The following STX18 variants were observed in gnomAD, a reference collection of about 807,000 sequenced individuals.
STX18 encodes the protein syntaxin 18.
STX18 carries 40 observed loss-of-function variants against 50.1 expected under a neutral mutation model. That is an observed-to-expected ratio of 0.80 (90% CI 0.62 to 1.04). The LOEUF is 1.04. STX18 is among the 50% of genes least tolerant of loss of function. STX18 has a pLI of 0.00. For synonymous variants in STX18, 158 were observed against 151.8 expected, an observed-to-expected ratio of 1.04 and a Z score of -0.30; for missense variants, 410 against 415.8, an observed-to-expected ratio of 0.99 and a Z score of 0.12.
At position 4,542,040 on chromosome 4, in the gene STX18, T is replaced by C. The variant is rs924306506; in HGVS notation, c.-76A>G. 6.2e-6 allele frequency: 9 copies of C among 1,458,320 alleles called. No homozygotes were observed. Among genetic ancestry groups the C allele is most frequent in the Non-Finnish European group, 7.3e-6 (8 of 1,098,048 alleles). The allele number at this position is 1,458,320 out of a possible 1,614,324, so 90.3% of individuals were successfully genotyped here. A position where few individuals can be genotyped will look rare whatever the true frequency, so the allele number is the denominator to read the frequency against. ...GCGACCGCGGCGCGAACCCGGCCGCTGAAGGACTGGTCCTGCCCCACACGC... is the reference window on the plus strand; with the variant it reads ...GCGACCGCGGCGCGAACCCGGCCGCCGAAGGACTGGTCCTGCCCCACACGC... On this transcript the variant is annotated 5_prime_UTR_variant, in exon 1 of 11. Coordinates refer to ENST00000306200, the MANE Select transcript of STX18 (RefSeq NM_016930.4).
chr4:4,442,056 G>C (rs1173043866), intron 5 of STX18, among the ~76,000 whole-genome samples: 5 of 152,084 alleles, frequency 3.3e-5, no homozygotes, highest in Non-Finnish European at 5.9e-5. Context: ...ATTAGGAAGG[G>C]GAGGCAATAA....
At chr4:4,469,574 T>C (rs1477408807) in intron 2 of STX18, among the ~76,000 whole-genome samples, 1 of 151,994 alleles carries the variant, frequency 6.6e-6, no homozygotes, top group Non-Finnish European at 1.5e-5. Context: ...GATATGCTTG[T>C]ACCGCTGAAT....
At chr4:4,483,842 A>G (rs1270497309) in intron 1 of STX18, among the ~76,000 whole-genome samples, 1 of 151,992 alleles carries the variant, frequency 6.6e-6, no homozygotes, top group Non-Finnish European at 1.5e-5. Flanking sequence ...CAAGCTAATC[A>G]TTCCCAATCC....
chr4:4,541,678 C>A, intron 1 of STX18, 119 bp downstream of exon 1: 1 of 1,164,476 alleles, frequency 8.6e-7, no homozygotes. Flanking sequence ...CTCTTCTGTC[C>A]CCCTTAGAGC....
At chr4:4,531,765 C>T (rs191722952) in intron 1 of STX18, among the ~76,000 whole-genome samples, 1 of 152,266 alleles carries the variant, frequency 6.6e-6, no homozygotes, top group Admixed American at 6.5e-5. Context: ...GTAATAAGTC[C>T]TAAAACATTT....
At chr4:4,471,732 GT>G in intron 1 of STX18, 26 bp from the exon 2 acceptor site, 2 of 1,489,980 alleles carry the variant, frequency 1.3e-6, no homozygotes, top group Non-Finnish European at 1.8e-6. Flanking sequence ...AAAGCCAACA[GT>G]TTATATAGAT....
chr4:4,510,661 C>A (rs1365675453), intron 1 of STX18, among the ~76,000 whole-genome samples: 1 of 149,526 alleles, frequency 6.7e-6, no homozygotes, highest in Admixed American at 6.6e-5. Context: ...AGGTGTATAC[C>A]CAAAGGATTA....
At chr4:4,455,182 G>A (rs1727000334) in intron 5 of STX18, among the ~76,000 whole-genome samples, 1 of 152,160 alleles carries the variant, frequency 6.6e-6, no homozygotes, top group Admixed American at 6.5e-5. Flanking sequence ...TTCCCCCTCT[G>A]AGCTTACTAC....
intron 7 of STX18, among the ~76,000 whole-genome samples, chr4:4,429,723 T>C (rs1395276975): frequency 6.6e-6 from 1 of 152,220 alleles, no homozygotes; most frequent in African/African-American, 2.4e-5. Flanking sequence ...GCTGTGCCCC[T>C]GTAAACCTGG....
intron 5 of STX18, among the ~76,000 whole-genome samples, chr4:4,449,235 T>C (rs1726613800): frequency 6.6e-6 from 1 of 151,884 alleles, no homozygotes; most frequent in Admixed American, 6.6e-5. Flanking sequence ...TTTGTAGAGA[T>C]GGGATCTCAC....
chr4:4,422,249 G>C (rs1453430114), intron 9 of STX18, among the ~76,000 whole-genome samples: 1 of 152,072 alleles, frequency 6.6e-6, no homozygotes, highest in Non-Finnish European at 1.5e-5. Context: ...AAACAAGAAA[G>C]ACACATTGTT....
intron 1 of STX18, among the ~76,000 whole-genome samples, chr4:4,517,808 G>A (rs1295518500): frequency 4.1e-5 from 6 of 145,896 alleles, no homozygotes; most frequent in East Asian, 2.0e-4. Context: ...ATGGAGTCTC[G>A]CTCTGTTGCC....
intron 2 of STX18, among the ~76,000 whole-genome samples, chr4:4,460,339 T>C (rs911810383): frequency 2.0e-5 from 3 of 152,188 alleles, no homozygotes; most frequent in African/African-American, 4.8e-5. Flanking sequence ...GAGAATATGC[T>C]TGATACACAG....
chr4:4,456,095 T>C (rs1052776728), intron 5 of STX18, among the ~76,000 whole-genome samples: 1 of 151,724 alleles, frequency 6.6e-6, no homozygotes, highest in Non-Finnish European at 1.5e-5. Flanking sequence ...CTGGGCAACA[T>C]AGTGACATCC....
chr4:4,445,828 T>G (rs1457010105), intron 5 of STX18, among the ~76,000 whole-genome samples: 1 of 152,210 alleles, frequency 6.6e-6, no homozygotes, highest in African/African-American at 2.4e-5. Context: ...ACCGAAAAGC[T>G]GATTCTAAAA....
chr4:4,495,558 CTTTTCTTTTTTTTTTTT>C (rs1371414054), intron 1 of STX18, among the ~76,000 whole-genome samples: 1 of 130,724 alleles, frequency 7.6e-6, no homozygotes, highest in African/African-American at 3.0e-5. Context: ...AATTTTTTTT[CTTTTCTTTTTTTTTTTT>C]TTTTTTTGAG....
chr4:4,499,479 T>C (rs1478467494), intron 1 of STX18: 2 of 985,106 alleles, frequency 2.0e-6, no homozygotes, highest in Non-Finnish European at 2.4e-6. Context: ...CAGCATTTCA[T>C]ATGCACAGAT....
intron 2 of STX18, among the ~76,000 whole-genome samples, chr4:4,465,690 C>A (rs1049539933): frequency 2.0e-5 from 3 of 152,136 alleles, no homozygotes; most frequent in Non-Finnish European, 4.4e-5. Flanking sequence ...ATGGGATGAT[C>A]TGTGCAGCAA....
chr4:4,539,011 A>G (rs1024112696), intron 1 of STX18, among the ~76,000 whole-genome samples: 3 of 152,210 alleles, frequency 2.0e-5, no homozygotes, highest in East Asian at 1.9e-4. Flanking sequence ...TAAAAGTTAA[A>G]TGTTTAAAAG....
Sources: gnomAD v4.1 joint callset for allele counts (sites outside exome capture counted in the v4.1 genomes callset) on GRCh38, gnomAD v4.1.1 for gene constraint, MANE v1.5 for transcripts, NCBI Gene and HGNC (gene_info 2026-07-23, HGNC 2026-07-21) for gene names.